The following ZNF454 variants were observed in gnomAD, a reference collection of about 807,000 sequenced individuals.
ZNF454 encodes zinc finger protein 454.
Under a neutral mutation model 48.2 loss-of-function variants are expected in ZNF454, and 30 were observed. The observed-to-expected ratio is 0.62, with a 90% CI of 0.47 to 0.84. The LOEUF (loss-of-function observed/expected upper bound fraction) is 0.84, where lower values mean the gene tolerates loss of function less well. Ranked by LOEUF, ZNF454 falls within the 40% of genes least tolerant of loss-of-function variation. The pLI, the probability that ZNF454 is intolerant of heterozygous loss-of-function variation, is 0.00. For missense variants in ZNF454, 510 were observed against 623.1 expected (o/e 0.82, Z 1.93); for synonymous variants, 204 against 211.4 (o/e 0.97, Z 0.30).
the ZNF454 span, among the ~76,000 whole-genome samples, chr5:178,972,477 T>C: frequency 6.9e-6 from 1 of 145,626 alleles, no homozygotes; most frequent in South Asian, 2.4e-4. Flanking sequence ...CGGTGCTGCC[T>C]GGCATTGGTG....
the ZNF454 span, chr5:178,986,385 G>A: frequency 1.2e-6 from 2 of 1,613,990 alleles, no homozygotes; most frequent in South Asian, 1.1e-5. Flanking sequence ...GGACGTAGCT[G>A]AGCTCTCGGC....
At chr5:178,948,759 C>G (rs555721470) in intron 4 of ZNF454, among the ~76,000 whole-genome samples, 6 of 151,070 alleles carry the variant, frequency 4.0e-5, no homozygotes, top group African/African-American at 1.5e-4. Context: ...TTTCCCATTT[C>G]CTATTAAAAT....
At chr5:178,955,859 G>A (rs908057340) in intron 4 of ZNF454, among the ~76,000 whole-genome samples, 9 of 152,246 alleles carry the variant, frequency 5.9e-5, no homozygotes, top group African/African-American at 1.9e-4. Flanking sequence ...TCTTCTCTTT[G>A]GTGGCTTACA....
At chr5:178,973,619 G>A in the ZNF454 span, among the ~76,000 whole-genome samples, 3 of 152,070 alleles carry the variant, frequency 2.0e-5, no homozygotes, top group Admixed American at 6.6e-5. Context: ...CGAAGCGGGC[G>A]GATCACAAGG....
At chr5:178,989,946 G>A in the ZNF454 span, 1 of 208,594 alleles carries the variant, frequency 4.8e-6, no homozygotes. Context: ...GTGATGAGAT[G>A]CCTTTATCGC....
chr5:178,948,829 GAATTTATAT>G (rs1486649018), intron 4 of ZNF454, among the ~76,000 whole-genome samples: 1 of 148,210 alleles, frequency 6.7e-6, no homozygotes, highest in African/African-American at 2.5e-5. Flanking sequence ...ATTATTCTAT[GAATTTATAT>G]AATTTATATT....
At chr5:178,969,160 G>A (rs529893198), downstream of ZNF454, among the ~76,000 whole-genome samples, 21 of 152,248 alleles carry the variant, frequency 1.4e-4, no homozygotes, top group African/African-American at 4.6e-4. Context: ...CTCACTGCAC[G>A]GCCTTCTCGA....
rs1181488642 is a variant in ZNF454, at chr5:178,966,041, G to A, written c.*68G>A. On this transcript the variant is annotated 3_prime_UTR_variant, in exon 5 of 5. Transcript: ENST00000519564. Reference sequence around the variant, plus strand: ...TGAATTATTGAATGTGAGATAATCCGTTCTAGAGAATAACTATGAAAGCTT... The same window carrying A: ...TGAATTATTGAATGTGAGATAATCCATTCTAGAGAATAACTATGAAAGCTT... The A allele has an allele frequency of 3.3e-5, 41 of 1,255,694 alleles. No individual in the cohort carries two copies. The highest frequency in any genetic ancestry group is 4.1e-5 in the Non-Finnish European group (37 of 904,592). 77.8% of individuals were successfully genotyped at this position (1,255,694 alleles called of 1,614,324 possible).
At position 178,965,880 on chromosome 5, in the gene ZNF454, A is replaced by G; in HGVS notation, c.1476A>G (p.Gly492=). The G allele has an allele frequency of 1.2e-6, 2 of 1,613,684 alleles. No homozygotes were observed. The highest frequency in any genetic ancestry group is 1.1e-5 in the South Asian group (1 of 91,018). The change falls in exon 5 of 5, where the codon GGA becomes GGG. Residue 492 remains glycine, a synonymous_variant. Transcript: ENST00000519564. The surrounding 1 kb of genome is among the most constrained non-coding windows in gnomAD (Gnocchi z 5.2). ...CTCAACATCAGAGGATTCACACAGG[A>G]GAGAAACCCTATAAATGTAATAAAT... The part of the protein sequence containing the change: ...HLTQHQRIHT[G]EKPYKCNKCG...
chr5:178,945,942 A>G (rs79592218), intron 2 of ZNF454, among the ~76,000 whole-genome samples: 11,305 of 152,114 alleles, frequency 0.074, 534 homozygotes, highest in Non-Finnish European at 0.1. Context: ...CCTCATAGGC[A>G]ACTGTAGGAG....
the ZNF454 span, chr5:178,986,368 G>C: frequency 6.2e-7 from 1 of 1,613,980 alleles, no homozygotes; most frequent in African/African-American, 1.3e-5. Flanking sequence ...GAAGATGCCG[G>C]TGAGGAGGAC....
At chr5:178,949,208 G>A (rs983331924) in intron 4 of ZNF454, among the ~76,000 whole-genome samples, 2 of 151,856 alleles carry the variant, frequency 1.3e-5, no homozygotes, top group African/African-American at 2.4e-5. Flanking sequence ...CTGCCACCTC[G>A]CGCAGCTAAT....
At chr5:178,972,995 A>T in the ZNF454 span, among the ~76,000 whole-genome samples, 1 of 83,924 alleles carries the variant, frequency 1.2e-5, no homozygotes, top group Non-Finnish European at 3.1e-5. Flanking sequence ...GTAAATAGGT[A>T]AAAAAAAAAA....
chr5:178,942,190 G>T (rs563273595), intron 1 of ZNF454, among the ~76,000 whole-genome samples: 180 of 152,314 alleles, frequency 1.2e-3, no homozygotes, highest in Non-Finnish European at 1.9e-3. Context: ...GATCACCTGA[G>T]GTCCGGAGTT....
chr5:178,947,690 C>G (rs998706218), intron 4 of ZNF454, among the ~76,000 whole-genome samples: 1 of 152,130 alleles, frequency 6.6e-6, no homozygotes, highest in Non-Finnish European at 1.5e-5. Flanking sequence ...GTGTGTTTTT[C>G]TCCCTTAATC....
chr5:178,984,998 A>G, the ZNF454 span, among the ~76,000 whole-genome samples: 15 of 152,250 alleles, frequency 9.9e-5, no homozygotes, highest in Non-Finnish European at 1.9e-4. Flanking sequence ...GTTGTCTCCA[A>G]GGCTGTAATA....
the ZNF454 span, chr5:178,983,432 G>T: frequency 1.0e-5 from 7 of 699,938 alleles, no homozygotes; most frequent in South Asian, 9.0e-5. Context: ...CCGTCCAAAG[G>T]CCCGTGACCT....
chr5:178,966,433 C>CAAAAAA (rs923865302), downstream of ZNF454: 1 of 51,550 alleles, frequency 1.9e-5, no homozygotes. Context: ...GACTCAGTCT[C>CAAAAAA]AAAAAAAAAA....
At chr5:178,954,349 A>G (rs945373893) in intron 4 of ZNF454, among the ~76,000 whole-genome samples, 1 of 152,120 alleles carries the variant, frequency 6.6e-6, no homozygotes, top group African/African-American at 2.4e-5. Flanking sequence ...CATTTTCTCT[A>G]TTATTGTTTG....
Sources: gnomAD v4.1 joint callset for allele counts (sites outside exome capture counted in the v4.1 genomes callset) on GRCh38, gnomAD v4.1.1 for gene constraint, Gnocchi (gnomAD v3.1) non-coding constraint, MANE v1.5 for transcripts, NCBI Gene and HGNC (gene_info 2026-07-23, HGNC 2026-07-21) for gene names.